Variants in SLC19A3 observed in about 807,000 individuals in gnomAD.
SLC19A3 encodes solute carrier family 19 member 3.
SLC19A3 carries 31 observed loss-of-function variants against 40.2 expected under a neutral mutation model. That is an observed-to-expected ratio of 0.77 (90% CI 0.58 to 1.04). The LOEUF (loss-of-function observed/expected upper bound fraction) is 1.04, where lower values mean the gene tolerates loss of function less well. SLC19A3 is among the 50% of genes least tolerant of loss of function. The probability of loss-of-function intolerance (pLI) is 0.00; values close to 1 mark genes in which losing one functional copy is unlikely to be tolerated. For missense variants in SLC19A3, 592 were observed against 596.7 expected (o/e 0.99, Z 0.08); for synonymous variants, 212 against 227.5 (o/e 0.93, Z 0.61).
In SLC19A3 at chr2:227,686,084, C is replaced by T. The variant is rs1695003147; in HGVS notation, c.*1313G>A. 1 of 438,750 alleles carries T rather than the reference C, an allele frequency of 2.3e-6. No individual in the cohort carries two copies. Among genetic ancestry groups the T allele is most frequent in the Admixed American group, 2.4e-5 (1 of 40,880 alleles). 27.2% of individuals were successfully genotyped at this position (438,750 alleles called of 1,614,324 possible). On this transcript the variant is annotated 3_prime_UTR_variant, in exon 6 of 6. Coordinates refer to ENST00000644224, the MANE Select transcript of SLC19A3 (RefSeq NM_025243.4). ...TGGTGGTGTGCACCCATAGTCCCAGCTACTTGGGAGGCTGAGGTAGGAGAA... is the reference window on the plus strand; with the variant it reads ...TGGTGGTGTGCACCCATAGTCCCAGTTACTTGGGAGGCTGAGGTAGGAGAA...
chr2:227,695,641 T>C (rs1033724802), intron 4 of SLC19A3: 2 of 496,962 alleles, frequency 4.0e-6, no homozygotes, highest in African/African-American at 1.9e-5. Flanking sequence ...AACCTGACAA[T>C]GTATCACTGC....
Position 227,687,506 on chromosome 2 carries a change from G to C in SLC19A3, c.1382C>G (p.Thr461Ser). The change falls in exon 6 of 6, where the codon ACC (threonine) becomes AGC (serine). Residue 461 changes from threonine to serine, a missense_variant. By Grantham distance (58) the Thr-to-Ser change is moderately conservative (BLOSUM62 1). Coordinates refer to ENST00000644224, the MANE Select transcript of SLC19A3 (RefSeq NM_025243.4). ...ATCCTTCTGGGATTTGGTTGAGTAG[G>C]TAATATACATGCTTCTCATTAGGAA... The part of the protein sequence containing the change: ...GIFLMRSMYI[T>S]YSTKSQKDVQ... 3 of 1,614,050 alleles carry C rather than the reference G, an allele frequency of 1.9e-6. No individual in the cohort carries two copies. The highest frequency in any genetic ancestry group is 2.5e-6 in the Non-Finnish European group (3 of 1,179,962).
intron 1 of SLC19A3, among the ~76,000 whole-genome samples, chr2:227,706,911 C>G (rs938434102): frequency 6.6e-6 from 1 of 152,206 alleles, no homozygotes; most frequent in Admixed American, 6.5e-5. Flanking sequence ...CTCAGAGCAG[C>G]TAAATCCACA....
intron 3 of SLC19A3, 117 bp downstream of exon 3, chr2:227,698,618 GA>G (rs112745331): frequency 1.0e-6 from 1 of 971,784 alleles, no homozygotes; most frequent in Non-Finnish European, 1.7e-6. Flanking sequence ...ATTCTTGACT[GA>G]AAAAAGTTAT....
Position 227,688,220 on chromosome 2 carries a change from G to A in SLC19A3, c.1260C>T (p.Ile420=). 6.2e-7 allele frequency: 1 copy of A among 1,614,108 alleles called. No individual in the cohort carries two copies. Among genetic ancestry groups the A allele is most frequent in the Non-Finnish European group, 8.5e-7 (1 of 1,179,992 alleles). ...TCTGATCTACTACAATCACAGTCAT[G>A]ATGGTCTGAATCACCAAGGCAATAA... ...NTFIALVIQT[I]MTVIVVDQRG... Residue 420 remains isoleucine, a synonymous_variant, in exon 5 of 6, where the codon ATC becomes ATT. Transcript: ENST00000644224.
intron 1 of SLC19A3, among the ~76,000 whole-genome samples, chr2:227,704,112 G>A (rs961481812): frequency 5.9e-5 from 9 of 152,210 alleles, no homozygotes; most frequent in African/African-American, 2.2e-4. Context: ...GGAAGATGCT[G>A]AATGAATTGA....
At chr2:227,714,969 G>A (rs1403144469) in intron 1 of SLC19A3, among the ~76,000 whole-genome samples, 3 of 148,772 alleles carry the variant, frequency 2.0e-5, no homozygotes, top group East Asian at 1.9e-4. Flanking sequence ...ACAGGCACCC[G>A]CCACCAGGCC....
Position 227,699,526 on chromosome 2 carries a change from G to A in SLC19A3, c.189C>T (p.Tyr63=). ...CAAACACAGGCAGCAGCAGCACCAG[G>A]TAGGAGTATGTCCAAACGGGGAAGA... ...NEIFPVWTYS[Y]LVLLLPVFVL... The change falls in exon 3 of 6, where the codon TAC becomes TAT. Residue 63 remains tyrosine (Y), a synonymous_variant. Coordinates refer to ENST00000644224, the MANE Select transcript of SLC19A3 (RefSeq NM_025243.4). 3 of 1,614,188 alleles carry A rather than the reference G, an allele frequency of 1.9e-6. No homozygotes were observed. The highest frequency in any genetic ancestry group is 2.5e-6 in the Non-Finnish European group (3 of 1,180,048).
At chr2:227,702,091 G>A in intron 2 of SLC19A3, 78 bp downstream of exon 2, 2 of 1,150,422 alleles carry the variant, frequency 1.7e-6, no homozygotes, top group Non-Finnish European at 2.6e-6. Context: ...ATATCAAGTT[G>A]AGGGAAGCCC....
intron 1 of SLC19A3, chr2:227,706,392 C>A (rs1372913752): frequency 8.1e-7 from 1 of 1,231,184 alleles, no homozygotes; most frequent in Non-Finnish European, 1.0e-6. Context: ...TTAAAAGTTA[C>A]TCCTGTAGCA....
Position 227,699,882 on chromosome 2 carries a change from G to A in SLC19A3, c.151-318C>T, listed in dbSNP as rs371920980. On this transcript the variant is annotated intron_variant, in intron 2 of 5. Coordinates refer to ENST00000644224, the MANE Select transcript of SLC19A3 (RefSeq NM_025243.4). The stretch of plus-strand genomic sequence containing the variant: ...TTTTTGGACACTTCTAAGATTTTCC[G>A]ATTCTTTTTTTTTGAGGTGGAGTCT... 3.4e-4 allele frequency among the ~76,000 whole-genome samples: 51 copies of A among 152,084 alleles called. No homozygotes were observed. In the East Asian group the frequency reaches 4.5e-3, roughly 13 times the overall value.
At chr2:227,692,006 C>G (rs1695250025) in intron 4 of SLC19A3, among the ~76,000 whole-genome samples, 1 of 149,246 alleles carries the variant, frequency 6.7e-6, no homozygotes, top group Non-Finnish European at 1.5e-5. Flanking sequence ...TACAAACAAC[C>G]TATCCGATTG....
chr2:227,698,665 A>G, intron 3 of SLC19A3, 71 bp downstream of exon 3: 1 of 1,336,574 alleles, frequency 7.5e-7, no homozygotes, highest in Non-Finnish European at 1.1e-6. Context: ...GCTGCCATGA[A>G]GTTCGGTACC....
Position 227,686,247 on chromosome 2 carries a change from G to T in SLC19A3, c.*1150C>A. The T allele has an allele frequency of 2.8e-6, 1 of 354,804 alleles. No homozygotes were observed. Among genetic ancestry groups the T allele is most frequent in the East Asian group, 9.4e-5 (1 of 10,632 alleles). 22.0% of individuals were successfully genotyped at this position (354,804 alleles called of 1,614,324 possible). ...GTTTTATTCCACTCCCCCCATCAGT[G>T]TTTTCTTATTTCTAATACTTCTAGA... On this transcript the variant is annotated 3_prime_UTR_variant, in exon 6 of 6. Transcript: ENST00000644224.
At chr2:227,714,467 C>T in intron 1 of SLC19A3, 2 of 985,288 alleles carry the variant, frequency 2.0e-6, no homozygotes, top group African/African-American at 1.7e-5. Flanking sequence ...TTCTGTGCCC[C>T]CAGTTTCTTT....
At chr2:227,715,830 G>A (rs1268103348) in intron 1 of SLC19A3, among the ~76,000 whole-genome samples, 1 of 151,834 alleles carries the variant, frequency 6.6e-6, no homozygotes, top group African/African-American at 2.4e-5. Context: ...TGTGCCTATA[G>A]TGCCAGGTAG....
chr2:227,689,425 T>C (rs1041072087), intron 4 of SLC19A3, among the ~76,000 whole-genome samples: 2 of 152,082 alleles, frequency 1.3e-5, no homozygotes, highest in Non-Finnish European at 2.9e-5. Context: ...GTCTTTTCAG[T>C]AGAAATTTTA....
chr2:227,701,664 A>G (rs1042887287), intron 2 of SLC19A3: 1 of 154,926 alleles, frequency 6.5e-6, no homozygotes, highest in Non-Finnish European at 1.4e-5. Context: ...AGAAAGAAAG[A>G]AAAAGAAAGG....
intron 1 of SLC19A3, chr2:227,714,330 T>C: frequency 1.5e-6 from 1 of 664,478 alleles, no homozygotes; most frequent in South Asian, 6.7e-5. Flanking sequence ...ACAGTGCCCG[T>C]AACGCAAAGC....
Sources: gnomAD v4.1 joint callset for allele counts (sites outside exome capture counted in the v4.1 genomes callset) on GRCh38, gnomAD v4.1.1 for gene constraint, MANE v1.5 for transcripts, NCBI Gene and HGNC (gene_info 2026-07-23, HGNC 2026-07-21) for gene names.